DGKB: variants seen among roughly 807,000 people sequenced by gnomAD.
DGKB encodes the protein 90 kDa diacylglycerol kinase.
Under a neutral mutation model 114.3 loss-of-function variants are expected in DGKB, and 67 were observed. The observed-to-expected ratio is 0.59, with a 90% CI of 0.48 to 0.72. The LOEUF (loss-of-function observed/expected upper bound fraction) is 0.72. DGKB is among the 30% of genes least tolerant of loss of function. DGKB has a pLI of 0.00. For missense variants in DGKB, 907 were observed against 975.2 expected, an observed-to-expected ratio of 0.93 and a Z score of 0.93; for synonymous variants, 398 against 323.1, an observed-to-expected ratio of 1.23 and a Z score of -2.49.
chr7:14,838,474 A>G (rs904696392), intron 2 of DGKB, among the ~76,000 whole-genome samples: 2 of 152,200 alleles, frequency 1.3e-5, no homozygotes, highest in Admixed American at 1.3e-4. Flanking sequence ...TTTACTTGAC[A>G]GATATCACCA....
chr7:14,232,826 A>G (rs570186514), intron 23 of DGKB, among the ~76,000 whole-genome samples: 1 of 152,164 alleles, frequency 6.6e-6, no homozygotes, highest in African/African-American at 2.4e-5. Flanking sequence ...AGTGCTCACT[A>G]AAGTAGCAAC....
At chr7:14,566,739 T>C (rs1797440681) in intron 20 of DGKB, among the ~76,000 whole-genome samples, 1 of 152,246 alleles carries the variant, frequency 6.6e-6, no homozygotes, top group African/African-American at 2.4e-5. Context: ...TCCAGGCACA[T>C]TGACCTAGCA....
chr7:14,947,730 G>A (rs937913740), intron 1 of DGKB, among the ~76,000 whole-genome samples: 1 of 151,596 alleles, frequency 6.6e-6, no homozygotes, highest in Admixed American at 6.6e-5. Flanking sequence ...CATTAGATGA[G>A]TGGTATATAC....
At chr7:14,908,549 T>C (rs1378257622) in intron 1 of DGKB, among the ~76,000 whole-genome samples, 1 of 152,242 alleles carries the variant, frequency 6.6e-6, no homozygotes, top group Non-Finnish European at 1.5e-5. Flanking sequence ...TTAAGCCATC[T>C]AAATGATTAA....
chr7:14,900,929 T>G (rs1782935614), intron 1 of DGKB, among the ~76,000 whole-genome samples: 1 of 152,174 alleles, frequency 6.6e-6, no homozygotes, highest in Admixed American at 6.6e-5. Flanking sequence ...GCTTGCAAAT[T>G]TGCTCCAACC....
chr7:14,609,026 T>A (rs1805034798), intron 16 of DGKB, among the ~76,000 whole-genome samples: 1 of 152,072 alleles, frequency 6.6e-6, no homozygotes, highest in Non-Finnish European at 1.5e-5. Context: ...TCTATGAAAC[T>A]ACCAATGTCG....
At chr7:14,950,709 A>C (rs72597833) in intron 1 of DGKB, among the ~76,000 whole-genome samples, 27,051 of 151,910 alleles carry the variant, frequency 0.18, 3,462 homozygotes, top group East Asian at 0.63. Flanking sequence ...TTTCCAAAAA[A>C]TAGAAGAGAA....
At chr7:14,185,368 G>T (rs1385956542) in intron 23 of DGKB, among the ~76,000 whole-genome samples, 1 of 151,992 alleles carries the variant, frequency 6.6e-6, no homozygotes, top group Non-Finnish European at 1.5e-5. Context: ...AATCATAGAT[G>T]ACATGAACAA....
chr7:14,951,718 T>A (rs1786209261), intron 1 of DGKB, among the ~76,000 whole-genome samples: 1 of 151,900 alleles, frequency 6.6e-6, no homozygotes, highest in Admixed American at 6.6e-5. Flanking sequence ...ACCACACTAA[T>A]GCAAGATGTT....
intron 1 of DGKB, among the ~76,000 whole-genome samples, chr7:14,887,562 A>T (rs567952626): frequency 2.6e-5 from 4 of 151,864 alleles, no homozygotes; most frequent in African/African-American, 9.6e-5. Context: ...TCAGCCTCAT[A>T]TAACCACTGT....
At chr7:14,372,203 G>A (rs563649095) in intron 21 of DGKB, among the ~76,000 whole-genome samples, 2 of 152,200 alleles carry the variant, frequency 1.3e-5, no homozygotes, top group African/African-American at 2.4e-5. Context: ...TCACCTACCC[G>A]GGCTTCAATC....
intron 14 of DGKB, among the ~76,000 whole-genome samples, chr7:14,624,079 T>C (rs926323103): frequency 6.6e-6 from 1 of 152,174 alleles, no homozygotes; most frequent in African/African-American, 2.4e-5. Flanking sequence ...TTTTGGGTAC[T>C]CATCAACATT....
In DGKB at chr7:14,149,003, A is replaced by G. The variant is rs1274277295; in HGVS notation, c.*128T>C. On this transcript the variant is annotated 3_prime_UTR_variant, in exon 26 of 26. Coordinates refer to ENST00000402815, the MANE Select transcript of DGKB (RefSeq NM_001350709.2). ...CTGAATTTTACATTAGCTTAGTAAC[A>G]AAAACTGTTAAACCACTTCCATGAT... The G allele has an allele frequency of 1.2e-6, 1 of 810,764 alleles. No individual in the cohort carries two copies. Among genetic ancestry groups the G allele is most frequent in the East Asian group, 2.6e-5 (1 of 38,352 alleles). 50.2% of individuals were successfully genotyped at this position (810,764 alleles called of 1,614,324 possible). A position where few individuals can be genotyped will look rare whatever the true frequency, so the allele number is the denominator to read the frequency against.
chr7:14,214,442 T>TTTCA (rs1788634386), intron 23 of DGKB, among the ~76,000 whole-genome samples: 1 of 152,120 alleles, frequency 6.6e-6, no homozygotes, highest in Non-Finnish European at 1.5e-5. Flanking sequence ...AAAAATCTGC[T>TTTCA]TTGGTTGTAA....
intron 23 of DGKB, among the ~76,000 whole-genome samples, chr7:14,258,547 T>C (rs908334333): frequency 2.6e-5 from 4 of 152,188 alleles, no homozygotes; most frequent in African/African-American, 9.7e-5. Flanking sequence ...CCAAGAACAT[T>C]TAATCAGTTC....
chr7:14,884,487 T>A (rs1443808654), intron 1 of DGKB, among the ~76,000 whole-genome samples: 3 of 151,958 alleles, frequency 2.0e-5, no homozygotes, highest in Non-Finnish European at 4.4e-5. Flanking sequence ...CACAGCTTTT[T>A]AAAATATCTG....
At chr7:14,931,079 G>A (rs929169731) in intron 1 of DGKB, among the ~76,000 whole-genome samples, 2 of 149,792 alleles carry the variant, frequency 1.3e-5, no homozygotes, top group African/African-American at 4.9e-5. Context: ...GTGTATTAAC[G>A]TTTTGATGTG....
intron 23 of DGKB, among the ~76,000 whole-genome samples, chr7:14,265,790 G>A (rs189142554): frequency 1.3e-5 from 2 of 152,096 alleles, no homozygotes; most frequent in African/African-American, 4.8e-5. Context: ...TTAAATGAAT[G>A]AATTAAAAAT....
chr7:14,382,260 C>T (rs1350840032), intron 21 of DGKB, among the ~76,000 whole-genome samples: 1 of 151,796 alleles, frequency 6.6e-6, no homozygotes, highest in African/African-American at 2.4e-5. Context: ...TAGAGCCCAG[C>T]CCTTGTGCAC....
Sources: allele counts gnomAD v4.1 joint callset (sites outside exome capture counted in the v4.1 genomes callset), GRCh38; gene constraint gnomAD v4.1.1; transcripts MANE v1.5; gene names NCBI Gene and HGNC (gene_info 2026-07-23, HGNC 2026-07-21).